The following PTPRD variants were observed in gnomAD, a reference collection of about 807,000 sequenced individuals.
PTPRD encodes receptor-type tyrosine-protein phosphatase delta.
A neutral mutation model predicts 214.5 loss-of-function variants in PTPRD; 34 were observed. The observed-to-expected ratio is 0.16, with a 90% CI of 0.12 to 0.21. The LOEUF (loss-of-function observed/expected upper bound fraction) is 0.21, where lower values mean the gene tolerates loss of function less well. Ranked by LOEUF, PTPRD falls within the 10% of genes least tolerant of loss-of-function variation. The probability of loss-of-function intolerance (pLI) is 1.00; values close to 1 mark genes in which losing one functional copy is unlikely to be tolerated. For synonymous variants in PTPRD, 1,128 were observed against 845.7 expected (o/e 1.33, Z -5.79); for missense variants, 2,545 against 2,398.7 (o/e 1.06, Z -1.27).
At chr9:10,037,664 C>A (rs758048531) in intron 3 of PTPRD, among the ~76,000 whole-genome samples, 1 of 150,712 alleles carries the variant, frequency 6.6e-6, no homozygotes, top group Non-Finnish European at 1.5e-5. Context: ...AAGACAAGTT[C>A]TCCATGGGAA....
chr9:9,511,995 C>T (rs945018013), intron 8 of PTPRD, among the ~76,000 whole-genome samples: 1 of 151,640 alleles, frequency 6.6e-6, no homozygotes, highest in African/African-American at 2.4e-5. Flanking sequence ...ATAAATGCGA[C>T]TTACAGAAAA....
intron 12 of PTPRD, among the ~76,000 whole-genome samples, chr9:8,659,704 G>A (rs1321606919): frequency 6.6e-6 from 1 of 152,090 alleles, no homozygotes; most frequent in Non-Finnish European, 1.5e-5. Flanking sequence ...GCAAATATGG[G>A]GCTGTTCACA....
chr9:9,558,636 C>A (rs547167875), intron 8 of PTPRD, among the ~76,000 whole-genome samples: 4 of 152,300 alleles, frequency 2.6e-5, no homozygotes, highest in African/African-American at 9.6e-5. Context: ...CATCTATTGG[C>A]ACAGATTACC....
At chr9:10,387,467 A>G (rs1199755078) in intron 2 of PTPRD, among the ~76,000 whole-genome samples, 1 of 151,792 alleles carries the variant, frequency 6.6e-6, no homozygotes, top group East Asian at 2.0e-4. Context: ...TTAGCTTCCC[A>G]CTGTGAGGCT....
intron 8 of PTPRD, among the ~76,000 whole-genome samples, chr9:9,419,712 G>C (rs1001332107): frequency 6.6e-6 from 1 of 151,792 alleles, no homozygotes; most frequent in East Asian, 1.9e-4. Context: ...CATTAACACA[G>C]ATGGCAAAAT....
chr9:9,969,205 G>T (rs182174512), intron 4 of PTPRD, among the ~76,000 whole-genome samples: 3 of 152,232 alleles, frequency 2.0e-5, no homozygotes, highest in Admixed American at 2.0e-4. Flanking sequence ...AGCGATCAAA[G>T]AATTACACAT....
At chr9:9,605,768 T>A (rs2094113623) in intron 7 of PTPRD, among the ~76,000 whole-genome samples, 1 of 152,054 alleles carries the variant, frequency 6.6e-6, no homozygotes. Flanking sequence ...TACAAATGCT[T>A]GTTATTATTA....
intron 27 of PTPRD, among the ~76,000 whole-genome samples, chr9:8,486,782 A>G (rs1399324478): frequency 6.6e-6 from 1 of 152,212 alleles, no homozygotes; most frequent in Admixed American, 6.5e-5. Context: ...TGCATATAGT[A>G]TTCACAATTG....
chr9:8,433,061 C>T (rs1217506128), intron 35 of PTPRD, among the ~76,000 whole-genome samples: 1 of 152,212 alleles, frequency 6.6e-6, no homozygotes, highest in African/African-American at 2.4e-5. Flanking sequence ...ATAGATGCAA[C>T]TGAGATTGCT....
intron 7 of PTPRD, among the ~76,000 whole-genome samples, chr9:9,610,642 GAGA>G (rs1298121395): frequency 1.3e-5 from 2 of 152,138 alleles, no homozygotes; most frequent in African/African-American, 2.4e-5. Context: ...TTGAAAACTT[GAGA>G]AGGATGAAAG....
chr9:10,546,915 A>G (rs75567316), intron 2 of PTPRD, among the ~76,000 whole-genome samples: 4,379 of 152,158 alleles, frequency 0.029, 185 homozygotes, highest in African/African-American at 0.098. Flanking sequence ...TTCTTGAAGC[A>G]AAATTTGACC....
intron 2 of PTPRD, among the ~76,000 whole-genome samples, chr9:10,406,061 G>C (rs938983772): frequency 6.0e-5 from 9 of 151,134 alleles, no homozygotes; most frequent in African/African-American, 1.9e-4. Context: ...CTTGGAAATA[G>C]AAGATATATT....
At chr9:9,509,459 A>T (rs528822080) in intron 8 of PTPRD, among the ~76,000 whole-genome samples, 12 of 151,356 alleles carry the variant, frequency 7.9e-5, no homozygotes, top group African/African-American at 2.2e-4. Context: ...CAACTGGACA[A>T]TGACACACCA....
At chr9:9,417,396 T>C (rs2077306199) in intron 8 of PTPRD, among the ~76,000 whole-genome samples, 1 of 152,092 alleles carries the variant, frequency 6.6e-6, no homozygotes, top group South Asian at 2.1e-4. Flanking sequence ...GTAAAAACCT[T>C]AGAGGTTTGT....
intron 11 of PTPRD, among the ~76,000 whole-genome samples, chr9:8,735,152 GTT>G (rs1380564021): frequency 8.0e-6 from 1 of 125,486 alleles, no homozygotes. Flanking sequence ...TTTTTTTTCT[GTT>G]TTTTTTTTTG....
At chr9:9,658,607 G>A (rs1233181519) in intron 7 of PTPRD, among the ~76,000 whole-genome samples, 2 of 152,048 alleles carry the variant, frequency 1.3e-5, no homozygotes, top group Non-Finnish European at 2.9e-5. Context: ...GACAGATCTG[G>A]TTCTTTTATT....
intron 34 of PTPRD, among the ~76,000 whole-genome samples, chr9:8,442,969 C>A (rs902966334): frequency 6.6e-6 from 1 of 152,106 alleles, no homozygotes. Context: ...AGGAAGACCC[C>A]GTTTCTGCAA....
At chr9:9,368,783 A>C (rs1171452183) in intron 9 of PTPRD, among the ~76,000 whole-genome samples, 1 of 151,888 alleles carries the variant, frequency 6.6e-6, no homozygotes, top group Non-Finnish European at 1.5e-5. Flanking sequence ...ATTATACTTT[A>C]AGTTTTAGAG....
At chr9:9,239,889 C>T (rs559294124) in intron 9 of PTPRD, among the ~76,000 whole-genome samples, 15 of 152,258 alleles carry the variant, frequency 9.9e-5, no homozygotes, top group Non-Finnish European at 8.8e-5. Context: ...TTTGCAGGCA[C>T]ACTGGGCACC....
Sources: allele counts gnomAD v4.1 joint callset (sites outside exome capture counted in the v4.1 genomes callset), GRCh38; gene constraint gnomAD v4.1.1; transcripts MANE v1.5; gene names NCBI Gene and HGNC (gene_info 2026-07-23, HGNC 2026-07-21).